LRRC4C: variants seen among roughly 807,000 people sequenced by gnomAD.
LRRC4C encodes the protein leucine rich repeat containing 4C, also known as leucine-rich repeat-containing protein 4C.
LRRC4C carries 5 observed loss-of-function variants against 33.6 expected under a neutral mutation model. The ratio of observed to expected loss-of-function variants is 0.15; its 90% confidence interval spans 0.08 to 0.31. The LOEUF is 0.31. LRRC4C is among the 10% of genes least tolerant of loss of function. The pLI, the probability that LRRC4C is intolerant of heterozygous loss-of-function variation, is 1.00. For missense variants in LRRC4C, 560 were observed against 796.7 expected, an observed-to-expected ratio of 0.70 and a Z score of 3.58; for synonymous variants, 329 against 302.0, an observed-to-expected ratio of 1.09 and a Z score of -0.93.
At chr11:41,070,257 A>G (rs1189424742) in intron 1 of LRRC4C, among the ~76,000 whole-genome samples, 1 of 152,138 alleles carries the variant, frequency 6.6e-6, no homozygotes, top group African/African-American at 2.4e-5. Context: ...CACCTTATAC[A>G]AAATTATCTC....
intron 3 of LRRC4C, among the ~76,000 whole-genome samples, chr11:40,436,686 A>G (rs1951153394): frequency 6.6e-6 from 1 of 152,194 alleles, no homozygotes; most frequent in Admixed American, 6.5e-5. Context: ...GAAGAGGCTG[A>G]GATGCCATCT....
intron 3 of LRRC4C, among the ~76,000 whole-genome samples, chr11:40,475,630 GT>G (rs1165889118): frequency 7.9e-5 from 12 of 152,088 alleles, no homozygotes; most frequent in Non-Finnish European, 8.8e-5. Flanking sequence ...TTAAGGACTA[GT>G]TTAACATCCT....
intron 3 of LRRC4C, among the ~76,000 whole-genome samples, chr11:40,410,330 A>G (rs184969025): frequency 8.6e-4 from 131 of 152,266 alleles, no homozygotes; most frequent in Middle Eastern, 3.4e-3. Flanking sequence ...CAATATAAAA[A>G]TTATACATAA....
intron 1 of LRRC4C, among the ~76,000 whole-genome samples, chr11:41,437,847 G>A (rs532255477): frequency 8.5e-5 from 13 of 152,142 alleles, no homozygotes; most frequent in African/African-American, 2.9e-4. Context: ...AGACCAGCCT[G>A]GCTAACATGG....
intron 4 of LRRC4C, among the ~76,000 whole-genome samples, chr11:40,315,366 C>A (rs1945525499): frequency 6.6e-6 from 1 of 151,654 alleles, no homozygotes; most frequent in African/African-American, 2.4e-5. Context: ...AGTTTATGTA[C>A]CTACATGTCT....
intron 1 of LRRC4C, among the ~76,000 whole-genome samples, chr11:40,986,647 A>G (rs1853030129): frequency 6.6e-6 from 1 of 152,084 alleles, no homozygotes; most frequent in Admixed American, 6.5e-5. Flanking sequence ...AGAGTTGAGA[A>G]AACTCTGGCG....
At chr11:40,507,008 C>T (rs973078721) in intron 3 of LRRC4C, among the ~76,000 whole-genome samples, 7 of 151,694 alleles carry the variant, frequency 4.6e-5, no homozygotes, top group Non-Finnish European at 8.8e-5. Flanking sequence ...CTTTACTTGA[C>T]AATAAATCCT....
chr11:41,060,015 ACT>A (rs1317315708), intron 1 of LRRC4C, among the ~76,000 whole-genome samples: 1 of 152,094 alleles, frequency 6.6e-6, no homozygotes, highest in African/African-American at 2.4e-5. Flanking sequence ...ACAGAGTGAG[ACT>A]CTGTCTCAAA....
chr11:40,683,537 TAAAA>T (rs199555726), intron 2 of LRRC4C, among the ~76,000 whole-genome samples: 1 of 151,480 alleles, frequency 6.6e-6, no homozygotes, highest in Non-Finnish European at 1.5e-5. Flanking sequence ...ATAACTGATA[TAAAA>T]AAAAGTGAAA....
intron 1 of LRRC4C, among the ~76,000 whole-genome samples, chr11:41,214,912 T>C (rs964444277): frequency 1.6e-4 from 24 of 147,422 alleles, no homozygotes; most frequent in African/African-American, 5.9e-4. Flanking sequence ...AATAGAAATG[T>C]TTATAAAGAA....
chr11:40,597,086 A>AT (rs1959409446), intron 3 of LRRC4C, among the ~76,000 whole-genome samples: 3 of 146,274 alleles, frequency 2.1e-5, no homozygotes, highest in South Asian at 4.5e-4. Context: ...ATATTCACAG[A>AT]AAAATCATCA....
chr11:40,514,788 A>G (rs1255344999), intron 3 of LRRC4C, among the ~76,000 whole-genome samples: 1 of 152,170 alleles, frequency 6.6e-6, no homozygotes. Flanking sequence ...ATAAAAACCA[A>G]TACAATCATC....
intron 3 of LRRC4C, among the ~76,000 whole-genome samples, chr11:40,468,496 C>T (rs1952763952): frequency 1.3e-5 from 2 of 152,278 alleles, no homozygotes; most frequent in South Asian, 4.1e-4. Flanking sequence ...AAAATACTTT[C>T]ACAGTAAAAT....
chr11:41,201,531 A>T (rs986265440), intron 1 of LRRC4C, among the ~76,000 whole-genome samples: 1 of 152,196 alleles, frequency 6.6e-6, no homozygotes, highest in South Asian at 2.1e-4. Context: ...AAAAGTGTTA[A>T]ACCATAGTTT....
chr11:40,247,653 C>G lies in LRRC4C; in HGVS notation c.-175-6055G>C, dbSNP rs1449487211. 1.3e-4 allele frequency among the ~76,000 whole-genome samples: 7 copies of G among 55,570 alleles called. No homozygotes were observed. The East Asian group carries it at 9.1e-3, about 72-fold the overall frequency. The allele number at this position is 55,570 out of a possible 152,430, so 36.5% of individuals were successfully genotyped here. On this transcript the variant is annotated intron_variant, in intron 4 of 6. Transcript: ENST00000528697. Reference sequence around the variant, plus strand: ...TACTGAACAATCATTGGGTTACTCTCTGCTTTTTGTGTGTGCGTTTTTTGT... The same window carrying G: ...TACTGAACAATCATTGGGTTACTCTGTGCTTTTTGTGTGTGCGTTTTTTGT...
intron 3 of LRRC4C, among the ~76,000 whole-genome samples, chr11:40,616,903 A>C (rs1961900848): frequency 8.9e-6 from 1 of 112,264 alleles, no homozygotes; most frequent in Non-Finnish European, 1.9e-5. Flanking sequence ...TAAAACTTAA[A>C]GTATAAAAAA....
intron 2 of LRRC4C, among the ~76,000 whole-genome samples, chr11:40,723,218 C>T (rs4132508): frequency 0.37 from 56,105 of 151,658 alleles, 10,686 homozygotes; most frequent in Non-Finnish European, 0.39. Context: ...CCAAAGCTCA[C>T]TAGAGAGGTC....
intron 1 of LRRC4C, among the ~76,000 whole-genome samples, chr11:41,343,086 G>C (rs1042042651): frequency 2.6e-5 from 4 of 152,142 alleles, no homozygotes; most frequent in African/African-American, 9.7e-5. Flanking sequence ...GGCCCACCCA[G>C]TTAATCCAAG....
At chr11:40,454,915 G>C (rs1952063195) in intron 3 of LRRC4C, among the ~76,000 whole-genome samples, 1 of 151,970 alleles carries the variant, frequency 6.6e-6, no homozygotes, top group African/African-American at 2.4e-5. Flanking sequence ...TGTGTTTCCT[G>C]CTTCAGTTTT....
Sources: allele counts gnomAD v4.1 joint callset (sites outside exome capture counted in the v4.1 genomes callset), GRCh38; gene constraint gnomAD v4.1.1; transcripts MANE v1.5; gene names NCBI Gene and HGNC (gene_info 2026-07-23, HGNC 2026-07-21).